TCF7L1: variants seen among roughly 807,000 people sequenced by gnomAD.
TCF7L1 encodes the protein transcription factor 7 like 1, also known as transcription factor 7-like 1.
In TCF7L1, 18 loss-of-function variants were observed where a neutral mutation model predicts 63.7. That is an observed-to-expected ratio of 0.28 (90% CI 0.20 to 0.42). The LOEUF (loss-of-function observed/expected upper bound fraction) is 0.42. Ranked by LOEUF, TCF7L1 falls within the 10% of genes least tolerant of loss-of-function variation. The pLI, the probability that TCF7L1 is intolerant of heterozygous loss-of-function variation, is 1.00. For missense variants in TCF7L1, 654 were observed against 779.3 expected (o/e 0.84, Z 1.91); for synonymous variants, 355 against 340.9 (o/e 1.04, Z -0.46).
rs1574078350 is a variant in TCF7L1, at chr2:85,146,966, T to C, written c.441+12516T>C. Among the ~76,000 whole-genome samples, 3 of 152,294 alleles carry C rather than the reference T, an allele frequency of 2.0e-5. No individual in the cohort carries two copies. The East Asian group carries it at 5.8e-4, about 29-fold the overall frequency. The stretch of plus-strand genomic sequence containing the variant: ...TGTGCAGCTCTATTGATTCTGTTTT[T>C]CCCAATCTCCAAATTCCCTTGTGTT... On this transcript the variant is annotated intron_variant, in intron 3 of 11. Transcript: ENST00000282111.
intron 3 of TCF7L1, chr2:85,166,835 A>G (rs1330051809): frequency 3.3e-5 from 5 of 152,210 alleles, no homozygotes; most frequent in African/African-American, 1.2e-4. Context: ...CCAACCACAA[A>G]AGATAATAAT....
At chr2:85,175,084 G>T (rs531664095) in intron 3 of TCF7L1, among the ~76,000 whole-genome samples, 2 of 152,114 alleles carry the variant, frequency 1.3e-5, no homozygotes, top group Non-Finnish European at 2.9e-5. Flanking sequence ...TCCCTGGCCC[G>T]CCCGGCGCAG....
At chr2:85,216,261 T>C (rs1679705907) in intron 3 of TCF7L1, among the ~76,000 whole-genome samples, 4 of 152,010 alleles carry the variant, frequency 2.6e-5, no homozygotes, top group African/African-American at 7.2e-5. Context: ...TCCGGGCAGC[T>C]TTTTTCCCCC....
chr2:85,222,669 C>CAAAA (rs60020804), intron 3 of TCF7L1, among the ~76,000 whole-genome samples: 4,644 of 57,964 alleles, frequency 0.08, 227 homozygotes, highest in African/African-American at 0.1. Context: ...GACCCCATCT[C>CAAAA]AAAAAAAAAA....
rs896031314 is a variant in TCF7L1, at chr2:85,156,491, A to G, written c.441+22041A>G. Among the ~76,000 whole-genome samples, 16 of 152,220 alleles carry G rather than the reference A, an allele frequency of 1.1e-4. 2 individuals are homozygous for G. Among genetic ancestry groups the G allele is most frequent in the Admixed American group, 9.8e-4 (15 of 15,278 alleles). ...TTCCCAGTACATTCTTGACCAGGGC[A>G]GACCAGATGTGGGGAGCTCTGGGGC... On this transcript the variant is annotated intron_variant, in intron 3 of 11. Transcript: ENST00000282111.
rs547557890 is a variant in TCF7L1, at chr2:85,168,910, C to T, written c.441+34460C>T. 1.5e-4 allele frequency among the ~76,000 whole-genome samples: 23 copies of T among 152,234 alleles called. No individual in the cohort carries two copies. The South Asian group carries it at 3.9e-3, about 26-fold the overall frequency. ...TGCTGGGATTACAGGTGTGAAACAC[C>T]GCACCCAGTCTAAATATGATTTTTG... On this transcript the variant is annotated intron_variant, in intron 3 of 11. Transcript: ENST00000282111.
chr2:85,144,491 A>G (rs970017777), intron 3 of TCF7L1, among the ~76,000 whole-genome samples: 17 of 151,556 alleles, frequency 1.1e-4, no homozygotes, highest in Non-Finnish European at 2.1e-4. Flanking sequence ...AATCGCAGCT[A>G]CTCAGGAAGC....
At chr2:85,256,036 A>C (rs914297207) in intron 3 of TCF7L1, among the ~76,000 whole-genome samples, 1 of 152,162 alleles carries the variant, frequency 6.6e-6, no homozygotes, top group Non-Finnish European at 1.5e-5. Context: ...AGCATTGTCC[A>C]TGTGTGAGGC....
intron 3 of TCF7L1, among the ~76,000 whole-genome samples, chr2:85,227,360 A>G (rs1454196016): frequency 6.6e-6 from 1 of 151,806 alleles, no homozygotes; most frequent in Non-Finnish European, 1.5e-5. Flanking sequence ...TGCCACTTGA[A>G]CAACGCCTGG....
intron 3 of TCF7L1, among the ~76,000 whole-genome samples, chr2:85,220,360 AAATATATAT>A (rs1679814007): frequency 6.7e-6 from 1 of 150,364 alleles, no homozygotes; most frequent in Non-Finnish European, 1.5e-5. Flanking sequence ...ACTTAAAAAA[AAATATATAT>A]ATATGTATAT....
At chr2:85,172,722 G>T (rs190459953) in intron 3 of TCF7L1, among the ~76,000 whole-genome samples, 1 of 152,050 alleles carries the variant, frequency 6.6e-6, no homozygotes, top group African/African-American at 2.4e-5. Context: ...CACCGCGCCC[G>T]GCCACCTAGA....
At chr2:85,136,537 A>AG (rs1347281664) in intron 3 of TCF7L1, among the ~76,000 whole-genome samples, 1 of 152,096 alleles carries the variant, frequency 6.6e-6, no homozygotes, top group African/African-American at 2.4e-5. Flanking sequence ...GCCCTGGCCC[A>AG]GGCACCAGCC....
chr2:85,134,266 C>A lies in TCF7L1; in HGVS notation c.314-57C>A. ...CCAGCTCCCGCCTCGAGCCCCCTGC[C>A]GCGGCGCTGTCAGTCCCGGGGGCCT... On this transcript the variant is annotated intron_variant, in intron 2 of 11. Transcript: ENST00000282111. This position sits in a 1 kb window ranked among gnomAD's most constrained non-coding sequence, Gnocchi z 5.0. 1 of 1,509,764 alleles carries A rather than the reference C, an allele frequency of 6.6e-7. No homozygotes were observed. Among genetic ancestry groups the A allele is most frequent in the Non-Finnish European group, 8.9e-7 (1 of 1,127,264 alleles). The allele number at this position is 1,509,764 out of a possible 1,614,324, so 93.5% of individuals were successfully genotyped here. A position where few individuals can be genotyped will look rare whatever the true frequency, so the allele number is the denominator to read the frequency against.
At chr2:85,302,681 TAAC>T in intron 5 of TCF7L1, 65 bp downstream of exon 5, 1 of 1,523,920 alleles carries the variant, frequency 6.6e-7, no homozygotes, top group Admixed American at 1.9e-5. Flanking sequence ...TGTGGGAACA[TAAC>T]AGCCCTTGAA....
chr2:85,154,970 C>A (rs546515212), intron 3 of TCF7L1, among the ~76,000 whole-genome samples: 141 of 152,250 alleles, frequency 9.3e-4, no homozygotes, highest in African/African-American at 1.6e-3. Context: ...GTGCGTGCCA[C>A]CATGCCTGGC....
chr2:85,199,657 G>C (rs894617905), intron 3 of TCF7L1, among the ~76,000 whole-genome samples: 1 of 152,234 alleles, frequency 6.6e-6, no homozygotes, highest in East Asian at 1.9e-4. Flanking sequence ...AGGGTTGGGA[G>C]TCATTGTTGG....
At position 85,168,192 on chromosome 2, in the gene TCF7L1, A is replaced by AACACACACACACACAC. The variant is rs55736939; in HGVS notation, c.441+33758_441+33773dup. ...AATCTCATGTTAAGTGTTCTTACCA[A>AACACACACACACACAC]ACACACACACACACACACACACACA... On this transcript the variant is annotated intron_variant, in intron 3 of 11. Transcript: ENST00000282111. Among the ~76,000 whole-genome samples, 833 of 145,670 alleles carry AACACACACACACACAC rather than the reference A, an allele frequency of 5.7e-3. 4 individuals are homozygous for AACACACACACACACAC. The highest frequency in any genetic ancestry group is 0.011 in the Admixed American group (157 of 14,574).
chr2:85,298,914 C>T (rs1224437994), intron 4 of TCF7L1, among the ~76,000 whole-genome samples: 3 of 152,066 alleles, frequency 2.0e-5, no homozygotes, highest in Non-Finnish European at 4.4e-5. Flanking sequence ...CCACTATCTA[C>T]TTACCGCCTT....
At chr2:85,212,152 G>T (rs1572993757) in intron 3 of TCF7L1, among the ~76,000 whole-genome samples, 1 of 150,416 alleles carries the variant, frequency 6.6e-6, no homozygotes, top group East Asian at 1.9e-4. Flanking sequence ...AAATCAGGAG[G>T]TATGGCAAGA....
Sources: gnomAD v4.1 joint callset for allele counts (sites outside exome capture counted in the v4.1 genomes callset) on GRCh38, gnomAD v4.1.1 for gene constraint, Gnocchi (gnomAD v3.1) non-coding constraint, MANE v1.5 for transcripts, NCBI Gene and HGNC (gene_info 2026-07-23, HGNC 2026-07-21) for gene names.